NRXN3: variants seen among roughly 807,000 people sequenced by gnomAD.
NRXN3 encodes the protein neurexin III.
NRXN3 carries 32 observed loss-of-function variants against 137.6 expected under a neutral mutation model. That is an observed-to-expected ratio of 0.23 (90% CI 0.18 to 0.31). The LOEUF is 0.31. NRXN3 is among the 10% of genes least tolerant of loss of function. NRXN3 has a pLI of 1.00. For missense variants in NRXN3, 1,574 were observed against 2,062.5 expected, an observed-to-expected ratio of 0.76 and a Z score of 4.59; for synonymous variants, 798 against 784.5, an observed-to-expected ratio of 1.02 and a Z score of -0.29.
chr14:78,420,412 G>A (rs1432225331), intron 4 of NRXN3, among the ~76,000 whole-genome samples: 1 of 152,090 alleles, frequency 6.6e-6, no homozygotes, highest in Non-Finnish European at 1.5e-5. Context: ...AAAGTGAAGA[G>A]GATGTTATAG....
At chr14:79,652,576 A>G (rs2098482250) in intron 16 of NRXN3, among the ~76,000 whole-genome samples, 1 of 152,096 alleles carries the variant, frequency 6.6e-6, no homozygotes, top group Non-Finnish European at 1.5e-5. Flanking sequence ...TAAAATTAGG[A>G]GATGTGTTCT....
intron 15 of NRXN3, among the ~76,000 whole-genome samples, chr14:79,193,965 TGTA>T (rs1408708937): frequency 6.6e-6 from 1 of 152,212 alleles, no homozygotes; most frequent in Non-Finnish European, 1.5e-5. Flanking sequence ...ATCCTATAAA[TGTA>T]ATAATAGAAA....
chr14:78,353,414 GT>G (rs1167665667), intron 4 of NRXN3, among the ~76,000 whole-genome samples: 1 of 152,162 alleles, frequency 6.6e-6, no homozygotes, highest in African/African-American at 2.4e-5. Flanking sequence ...CTGCTTTCTG[GT>G]TCATAGCATT....
At chr14:79,818,205 C>T (rs2099258562) in intron 20 of NRXN3, among the ~76,000 whole-genome samples, 1 of 152,062 alleles carries the variant, frequency 6.6e-6, no homozygotes. Context: ...AGGTGCCCGC[C>T]ACCACGCCTG....
At chr14:79,847,947 T>C (rs1229677985) in intron 20 of NRXN3, among the ~76,000 whole-genome samples, 1 of 152,138 alleles carries the variant, frequency 6.6e-6, no homozygotes, top group East Asian at 1.9e-4. Context: ...ACTAAGCTTT[T>C]CTTCATCAAG....
chr14:78,344,532 C>A (rs73308933), intron 4 of NRXN3, among the ~76,000 whole-genome samples: 1 of 152,176 alleles, frequency 6.6e-6, no homozygotes, highest in Non-Finnish European at 1.5e-5. Context: ...TCCTCCTGCA[C>A]GTGAGGCACA....
intron 15 of NRXN3, among the ~76,000 whole-genome samples, chr14:79,374,740 C>A (rs181041675): frequency 2.0e-3 from 307 of 152,172 alleles, no homozygotes; most frequent in African/African-American, 7.2e-3. Flanking sequence ...CCTTTTCAGG[C>A]CAAACCAATG....
rs1011771327 is a variant in NRXN3, at chr14:78,773,947, G to A, written c.2045-29673G>A. On this transcript the variant is annotated intron_variant, in intron 8 of 20. Coordinates refer to ENST00000335750, the MANE Select transcript of NRXN3 (RefSeq NM_001330195.2). The stretch of plus-strand genomic sequence containing the variant: ...CTCCCGAGTAGCTGGGATTACAGGC[G>A]CCCGCCACCACACCCAACTAATTTT... 3.5e-4 allele frequency among the ~76,000 whole-genome samples: 53 copies of A among 152,048 alleles called. 1 individual carries two copies. Among genetic ancestry groups the A allele is most frequent in the African/African-American group, 1.2e-3 (49 of 41,484 alleles).
intron 4 of NRXN3, among the ~76,000 whole-genome samples, chr14:78,366,425 A>C (rs938889569): frequency 6.6e-6 from 1 of 152,214 alleles, no homozygotes; most frequent in African/African-American, 2.4e-5. Context: ...GTTTAAAATT[A>C]GTGCCCATCT....
At chr14:79,435,454 C>T (rs2095830436) in intron 15 of NRXN3, among the ~76,000 whole-genome samples, 1 of 152,016 alleles carries the variant, frequency 6.6e-6, no homozygotes, top group Admixed American at 6.6e-5. Context: ...GACAGAATCT[C>T]ACTGGAAAAG....
In NRXN3 at chr14:78,769,899, G is replaced by T. The variant is rs577875952; in HGVS notation, c.2045-33721G>T. On this transcript the variant is annotated intron_variant, in intron 8 of 20. Transcript: ENST00000335750. ...GGCTGAAGTATAAGGTAAGTTTGGAGGGACAGGGATGCCAGGGTGTGGAAA... is the reference window on the plus strand; with the variant it reads ...GGCTGAAGTATAAGGTAAGTTTGGATGGACAGGGATGCCAGGGTGTGGAAA... Among the ~76,000 whole-genome samples, 110 of 151,998 alleles carry T rather than the reference G, an allele frequency of 7.2e-4. 2 individuals carry two copies. The highest frequency in any genetic ancestry group is 1.2e-3 in the Non-Finnish European group (81 of 68,000).
At chr14:79,396,762 A>G (rs2095038159) in intron 15 of NRXN3, among the ~76,000 whole-genome samples, 1 of 152,198 alleles carries the variant, frequency 6.6e-6, no homozygotes, top group Non-Finnish European at 1.5e-5. Context: ...AATATCAATG[A>G]TTAATGTCAG....
rs1239710893 is a variant in NRXN3 at position 78,731,570 on chromosome 14, T to C, written c.2044+16431T>C. On this transcript the variant is annotated intron_variant, in intron 8 of 20. Transcript: ENST00000335750. ...AATGGTTATTATTAACATATCTGTA[T>C]GCTTTATTCTATTATTTTGGGAATG... 4.0e-5 allele frequency among the ~76,000 whole-genome samples: 6 copies of C among 151,558 alleles called. No individual in the cohort carries two copies. The East Asian group carries it at 1.2e-3, about 30-fold the overall frequency.
intron 15 of NRXN3, among the ~76,000 whole-genome samples, chr14:79,055,954 A>G (rs2099660554): frequency 6.6e-6 from 1 of 152,236 alleles, no homozygotes; most frequent in Admixed American, 6.5e-5. Flanking sequence ...AAATGTCAAG[A>G]ACTTTGTACC....
At chr14:79,364,580 A>G (rs750518530) in intron 15 of NRXN3, among the ~76,000 whole-genome samples, 14 of 152,234 alleles carry the variant, frequency 9.2e-5, no homozygotes, top group Non-Finnish European at 1.3e-4. Context: ...CCATTAAACC[A>G]AACAAAAGAA....
chr14:79,581,026 G>T (rs2097710537), intron 16 of NRXN3, among the ~76,000 whole-genome samples: 1 of 152,162 alleles, frequency 6.6e-6, no homozygotes, highest in South Asian at 2.1e-4. Flanking sequence ...CAGAGGAGTG[G>T]GTATGGGAGC....
chr14:78,513,110 G>A lies in NRXN3; in HGVS notation c.758-132010G>A, dbSNP rs55955821. Among the ~76,000 whole-genome samples the A allele has an allele frequency of 7.4e-3, 1,128 of 152,284 alleles. 6 individuals are homozygous for A. The highest frequency in any genetic ancestry group is 0.012 in the Non-Finnish European group (789 of 68,024). The stretch of plus-strand genomic sequence containing the variant: ...ATCTCAGAGGCTATGAATCTGATGA[G>A]GAAGGCAACTTGGCAGTGCAGAAAG... On this transcript the variant is annotated intron_variant, in intron 4 of 20. Transcript: ENST00000335750.
intron 4 of NRXN3, among the ~76,000 whole-genome samples, chr14:78,517,738 G>C (rs925983964): frequency 2.0e-5 from 3 of 152,136 alleles, no homozygotes; most frequent in Non-Finnish European, 4.4e-5. Context: ...ATAAAGAAAA[G>C]TACTCAGGAC....
chr14:78,709,488 G>A lies in NRXN3; in HGVS notation c.1493G>A (p.Arg498Gln), dbSNP rs1399068257. ...HGKPQERKDA[R>Q]SQKNTKVDFF... ...AAGCCCCAAGAGAGGAAGGATGCTC[G>A]GAGCCAGAAGAATACAAAAGTAGAC... is the stretch of plus-strand genomic sequence containing the variant. Residue 498 changes from arginine to glutamine, a missense_variant, in exon 7 of 21, where the codon CGG (arginine) becomes CAG (glutamine). By Grantham distance (43) the Arg-to-Gln change is conservative. Coordinates refer to ENST00000335750, the MANE Select transcript of NRXN3 (RefSeq NM_001330195.2). 31 of 1,613,942 alleles carry A rather than the reference G, an allele frequency of 1.9e-5. No homozygotes were observed. Among genetic ancestry groups the A allele is most frequent in the Non-Finnish European group, 2.4e-5 (28 of 1,180,022 alleles).
Sources: allele counts gnomAD v4.1 joint callset (sites outside exome capture counted in the v4.1 genomes callset), GRCh38; gene constraint gnomAD v4.1.1; transcripts MANE v1.5; gene names NCBI Gene and HGNC (gene_info 2026-07-23, HGNC 2026-07-21).